Variants in SLC35C1 observed in about 807,000 individuals in gnomAD.
The protein encoded by SLC35C1 is GDP-fucose transporter 1.
Under a neutral mutation model 23.2 loss-of-function variants are expected in SLC35C1, and 8 were observed. That is an observed-to-expected ratio of 0.35 (90% confidence interval 0.20 to 0.62). The LOEUF is 0.62. SLC35C1 is among the 20% of genes least tolerant of loss of function. SLC35C1 has a pLI of 0.75. For missense variants in SLC35C1, 422 were observed against 478.6 expected (o/e 0.88, Z 1.10); for synonymous variants, 226 against 225.1 (o/e 1.00, Z -0.04).
intron 1 of SLC35C1, 75 bp from the exon 2 acceptor site, chr11:45,810,701 G>C (rs1387396560): frequency 1.0e-5 from 16 of 1,540,528 alleles, no homozygotes; most frequent in Non-Finnish European, 1.4e-5. Context: ...TTTGGTGTCT[G>C]ATCCTCTGTC....
At chr11:45,810,167 C>T (rs1245456036) in intron 1 of SLC35C1, 1 of 985,274 alleles carries the variant, frequency 1.0e-6, no homozygotes, top group Non-Finnish European at 1.2e-6. Context: ...AAGTGGGGAG[C>T]CACGGAAGCT....
rs750284604 is a variant in SLC35C1 at position 45,810,825 on chromosome 11, G to A, written c.585G>A (p.Ser195=). ...AGGAGGGGGCAGAAGGCACCCTGTCGTGGCTGGGCACCGTCTTCGGCGTGC... is the reference window on the plus strand; with the variant it reads ...AGGAGGGGGCAGAAGGCACCCTGTCATGGCTGGGCACCGTCTTCGGCGTGC... ...VDQEGAEGTL[S]WLGTVFGVLA... is the part of the protein sequence containing the mutation. Residue 195 remains serine, a synonymous_variant, in exon 2 of 2, where the codon TCG becomes TCA. Coordinates refer to ENST00000314134, the MANE Select transcript of SLC35C1 (RefSeq NM_018389.5). 115 of 1,612,720 alleles carry A rather than the reference G, an allele frequency of 7.1e-5. 1 individual carries two copies. In the East Asian group the frequency reaches 8.2e-4, roughly 12 times the overall value.
Position 45,811,328 on chromosome 11 carries a change from G to T in SLC35C1, c.1088G>T (p.Gly363Val). 3 of 1,517,218 alleles carry T rather than the reference G, an allele frequency of 2.0e-6. No homozygotes were observed. The highest frequency in any genetic ancestry group is 2.6e-6 in the Non-Finnish European group (3 of 1,142,878). The allele number at this position is 1,517,218 out of a possible 1,614,324, so 94.0% of individuals were successfully genotyped here. A position where few individuals can be genotyped will look rare whatever the true frequency, so the allele number is the denominator to read the frequency against. ...SPKDSEKSAM[G>V]V The stretch of plus-strand genomic sequence containing the variant: ...AAAGACAGCGAGAAGAGCGCCATGG[G>T]GGTGTGAGCACCACAGGCACCCTGG... The change falls in exon 2 of 2, where the codon GGG becomes GTG. Residue 363 changes from glycine to valine, a missense_variant. By Grantham distance (109) the Gly-to-Val change is moderately radical (BLOSUM62 -3). Transcript: ENST00000314134.
chr11:45,805,487 T>A lies in SLC35C1; in HGVS notation c.-315T>A. On this transcript the variant is annotated 5_prime_UTR_variant, in exon 1 of 2. Transcript: ENST00000314134. ...CTCCCTTCTCTCTGCGACCCCTCCC[T>A]GTTAGGCCCCAGCCTCTTCTCCCCT... is the stretch of plus-strand genomic sequence containing the variant. The A allele has an allele frequency of 8.8e-6, 11 of 1,255,616 alleles. No homozygotes were observed. Among genetic ancestry groups the A allele is most frequent in the African/African-American group, 1.5e-5 (1 of 65,152 alleles). 77.8% of individuals were successfully genotyped at this position (1,255,616 alleles called of 1,614,324 possible). A position where few individuals can be genotyped will look rare whatever the true frequency, so the allele number is the denominator to read the frequency against.
upstream of SLC35C1, chr11:45,804,809 C>G: frequency 1.0e-6 from 1 of 985,726 alleles, no homozygotes; most frequent in Non-Finnish European, 1.2e-6. Flanking sequence ...GTAGCGCCGC[C>G]CGGGTCCTGG....
rs990808534 is a variant in SLC35C1, at chr11:45,809,754, A to G, written c.536-1022A>G. 6 of 985,216 alleles carry G rather than the reference A, an allele frequency of 6.1e-6. No homozygotes were observed. The African/African-American group carries it at 1.0e-4, about 17-fold the overall frequency. The allele number at this position is 985,216 out of a possible 1,614,324, so 61.0% of individuals were successfully genotyped here. ...TCCCTCTGACCCCAAAACTTTCCCCACTGCCCCGTGTTGCCAGATGCTGTG... is the reference window on the plus strand; with the variant it reads ...TCCCTCTGACCCCAAAACTTTCCCCGCTGCCCCGTGTTGCCAGATGCTGTG... On this transcript the variant is annotated intron_variant, in intron 1 of 1. Coordinates refer to ENST00000314134, the MANE Select transcript of SLC35C1 (RefSeq NM_018389.5).
At chr11:45,805,050 G>T (rs1256786850), upstream of SLC35C1, 2 of 985,684 alleles carry the variant, frequency 2.0e-6, no homozygotes, top group African/African-American at 3.5e-5. Flanking sequence ...CCTCTCTGGG[G>T]CTGTCGCTTT....
At chr11:45,806,368 G>A in intron 1 of SLC35C1, 32 bp downstream of exon 1, 2 of 1,608,562 alleles carry the variant, frequency 1.2e-6, no homozygotes, top group Non-Finnish European at 1.7e-6. Context: ...GGGGGATAGA[G>A]TGGTCATGGG....
Position 45,806,088 on chromosome 11 carries a change from C to T in SLC35C1, c.287C>T (p.Ala96Val), listed in dbSNP as rs2085870515. The T allele has an allele frequency of 6.2e-7, 1 of 1,611,412 alleles. No homozygotes were observed. Among genetic ancestry groups the T allele is most frequent in the Non-Finnish European group, 8.5e-7 (1 of 1,179,984 alleles). The change falls in exon 1 of 2, where the codon GCC (alanine) becomes GTC (valine). Residue 96 changes from alanine (A) to valine (V), a missense_variant. By Grantham distance (64) the Ala-to-Val change is moderately conservative. Coordinates refer to ENST00000314134, the MANE Select transcript of SLC35C1 (RefSeq NM_018389.5). ...LLCKGLSALA[A>V]CCPGAVDFPS... ...TGCAAAGGCCTCAGCGCTCTGGCCG[C>T]CTGCTGCCCTGGTGCCGTGGACTTC...
rs1351012654 is a variant in SLC35C1 at position 45,811,637 on chromosome 11, C to T, written c.*302C>T. On this transcript the variant is annotated 3_prime_UTR_variant, in exon 2 of 2. Coordinates refer to ENST00000314134, the MANE Select transcript of SLC35C1 (RefSeq NM_018389.5). ...ACCCTAGTGAGAGTTGAACCCCTTCCTTCTGCCTCCAGGGCCTGTCTGCCT... is the reference window on the plus strand; with the variant it reads ...ACCCTAGTGAGAGTTGAACCCCTTCTTTCTGCCTCCAGGGCCTGTCTGCCT... 1 of 310,698 alleles carries T rather than the reference C, an allele frequency of 3.2e-6. No homozygotes were observed. The highest frequency in any genetic ancestry group is 6.0e-6 in the Non-Finnish European group (1 of 167,448). The allele number at this position is 310,698 out of a possible 1,614,324, so 19.2% of individuals were successfully genotyped here. A position where few individuals can be genotyped will look rare whatever the true frequency, so the allele number is the denominator to read the frequency against.
At chr11:45,809,921 G>A in intron 1 of SLC35C1, 2 of 985,372 alleles carry the variant, frequency 2.0e-6, no homozygotes, top group Non-Finnish European at 2.4e-6. Context: ...GGCAGTAAGA[G>A]TCCAGGTTCT....
At chr11:45,809,651 C>A in intron 1 of SLC35C1, 1 of 572,112 alleles carries the variant, frequency 1.7e-6, no homozygotes, top group Non-Finnish European at 2.2e-6. Context: ...GGGAGGTGAC[C>A]CAGAGAGCTC....
chr11:45,804,492 C>T (rs1421261972), upstream of SLC35C1: 2 of 985,536 alleles, frequency 2.0e-6, no homozygotes, highest in African/African-American at 1.7e-5. Context: ...CTGGACCGGC[C>T]GGGGAAACAG....
Position 45,810,901 on chromosome 11 carries a change from C to T in SLC35C1, c.661C>T (p.Pro221Ser). 6.2e-7 allele frequency: 1 copy of T among 1,612,296 alleles called. No individual in the cohort carries two copies. The highest frequency in any genetic ancestry group is 1.6e-4 in the Middle Eastern group (1 of 6,062). The change falls in exon 2 of 2, where the codon CCG becomes TCG. Residue 221 changes from proline to serine, a missense_variant. Pro to Ser is a moderately conservative substitution (Grantham distance 74). Transcript: ENST00000314134. ...CGCCATCTACACCACGAAGGTGCTC[C>T]CGGCGGTGGACGGCAGCATCTGGCG... ...LNAIYTTKVL[P>S]AVDGSIWRLT...
upstream of SLC35C1, chr11:45,804,779 G>T: frequency 1.0e-6 from 1 of 985,866 alleles, no homozygotes; most frequent in Non-Finnish European, 1.2e-6. Flanking sequence ...GTCTCCGGAG[G>T]TGGAGGGGTC....
Position 45,806,357 on chromosome 11 carries a change from CG to C in SLC35C1, c.535+26del, listed in dbSNP as rs748229792. On this transcript the variant is annotated intron_variant, in intron 1 of 1. Coordinates refer to ENST00000314134, the MANE Select transcript of SLC35C1 (RefSeq NM_018389.5). ...CATCGGTGAGTGGCAGCTGGGGCCA[CG>C]GGGGATAGAGTGGTCATGGGGACTG... is the stretch of plus-strand genomic sequence containing the variant. The C allele has an allele frequency of 1.9e-5, 31 of 1,610,614 alleles. No individual in the cohort carries two copies. The Middle Eastern group carries it at 6.6e-4, about 34-fold the overall frequency.
intron 1 of SLC35C1, among the ~76,000 whole-genome samples, chr11:45,807,588 C>A (rs1366692718): frequency 6.6e-6 from 1 of 152,194 alleles, no homozygotes; most frequent in Non-Finnish European, 1.5e-5. Context: ...ATATCATATT[C>A]TTTGCTGATG....
In SLC35C1 at chr11:45,811,253, C is replaced by T. The variant is rs768592798; in HGVS notation, c.1013C>T (p.Thr338Ile). 3.8e-6 allele frequency: 6 copies of T among 1,596,548 alleles called. No individual in the cohort carries two copies. In the Admixed American group the frequency reaches 5.1e-5, roughly 13 times the overall value. ...MMVLGGSSAY[T>I]WVRGWEMKKT... Reference sequence around the variant, plus strand: ...GTGCTGGGCGGCTCCTCCGCCTACACCTGGGTCAGGGGCTGGGAGATGAAG... The same window carrying T: ...GTGCTGGGCGGCTCCTCCGCCTACATCTGGGTCAGGGGCTGGGAGATGAAG... The change falls in exon 2 of 2, where the codon ACC (threonine) becomes ATC (isoleucine). Residue 338 changes from threonine (T) to isoleucine (I), a missense_variant. Coordinates refer to ENST00000314134, the MANE Select transcript of SLC35C1 (RefSeq NM_018389.5).
chr11:45,804,571 A>G (rs894014541), upstream of SLC35C1: 26 of 985,494 alleles, frequency 2.6e-5, no homozygotes, highest in African/African-American at 4.5e-4. Flanking sequence ...CGCCCAGAGG[A>G]CCTCGACAGG....
Sources: gnomAD v4.1 joint callset for allele counts (sites outside exome capture counted in the v4.1 genomes callset) on GRCh38, gnomAD v4.1.1 for gene constraint, MANE v1.5 for transcripts, NCBI Gene and HGNC (gene_info 2026-07-23, HGNC 2026-07-21) for gene names.